CUX2: variants seen among roughly 807,000 people sequenced by gnomAD.
The protein encoded by CUX2 is homeobox protein cut-like 2.
CUX2 carries 40 observed loss-of-function variants against 144.8 expected under a neutral mutation model. The observed-to-expected ratio is 0.28, with a 90% CI of 0.21 to 0.36. CUX2 has a LOEUF of 0.36. CUX2 is among the 10% of genes least tolerant of loss of function. The pLI is 1.00. For missense variants in CUX2, 1,615 were observed against 1,994.0 expected (o/e 0.81, Z 3.62); for synonymous variants, 827 against 875.6 (o/e 0.94, Z 0.98).
intron 1 of CUX2, among the ~76,000 whole-genome samples, chr12:111,163,228 C>T (rs1449069771): frequency 6.6e-6 from 1 of 152,228 alleles, no homozygotes; most frequent in East Asian, 1.9e-4. Context: ...GCATATAGTA[C>T]TCACTTGGAG....
chr12:111,262,081 C>T (rs1481658043), intron 3 of CUX2, among the ~76,000 whole-genome samples: 1 of 152,162 alleles, frequency 6.6e-6, no homozygotes, highest in Non-Finnish European at 1.5e-5. Flanking sequence ...CCCCAATTTA[C>T]ACACTCCCAA....
At position 111,304,324 on chromosome 12, in the gene CUX2, G is replaced by A. The variant is rs1264226606; in HGVS notation, c.858+10G>A. 9.3e-6 allele frequency: 15 copies of A among 1,610,384 alleles called. No individual in the cohort carries two copies. Among genetic ancestry groups the A allele is most frequent in the Non-Finnish European group, 1.3e-5 (15 of 1,177,472 alleles). On this transcript the variant is annotated intron_variant, in intron 10 of 21. Coordinates refer to ENST00000261726, the MANE Select transcript of CUX2 (RefSeq NM_015267.4). This position sits in a 1 kb window ranked among gnomAD's most constrained non-coding sequence, Gnocchi z 4.7. ...CCAGGGGCCCAGTGGGGTAAGGATG[G>A]GGTTGGGGAAGTGAGCAGGGAGGGC...
At chr12:111,301,831 C>T (rs1262122969) in intron 9 of CUX2, among the ~76,000 whole-genome samples, 8 of 152,228 alleles carry the variant, frequency 5.3e-5, no homozygotes, top group Admixed American at 2.6e-4. Context: ...TGTTCAGGGG[C>T]TGTCTCCATG....
At chr12:111,196,850 G>A (rs1367828568) in intron 1 of CUX2, among the ~76,000 whole-genome samples, 1 of 152,182 alleles carries the variant, frequency 6.6e-6, no homozygotes, top group Admixed American at 6.5e-5. Flanking sequence ...TAGAAGTTCA[G>A]GATCACCACT....
At chr12:111,164,250 A>G (rs1258420381) in intron 1 of CUX2, among the ~76,000 whole-genome samples, 1 of 152,042 alleles carries the variant, frequency 6.6e-6, no homozygotes, top group African/African-American at 2.4e-5. Flanking sequence ...CAGGCCTGGT[A>G]TTGAGGGGAC....
chr12:111,113,364 A>G (rs976524006), intron 1 of CUX2, among the ~76,000 whole-genome samples: 3 of 152,158 alleles, frequency 2.0e-5, no homozygotes, highest in African/African-American at 2.4e-5. Flanking sequence ...TTTGACCACA[A>G]TCAGAATATG....
intron 21 of CUX2, among the ~76,000 whole-genome samples, chr12:111,342,956 CAAAA>C (rs11314694): frequency 8.8e-5 from 6 of 68,440 alleles, no homozygotes; most frequent in African/African-American, 2.3e-4. Flanking sequence ...GAGACTATCT[CAAAA>C]AAAAAAAAAA....
intron 1 of CUX2, among the ~76,000 whole-genome samples, chr12:111,094,909 G>C (rs1872732090): frequency 6.6e-6 from 1 of 152,216 alleles, no homozygotes; most frequent in Non-Finnish European, 1.5e-5. Context: ...TATTTAACCA[G>C]GGAGGCTCTC....
rs115580800 is a variant in CUX2 at position 111,305,638 on chromosome 12, C to T, written c.859-1283C>T. 8.1e-3 allele frequency among the ~76,000 whole-genome samples: 1,237 copies of T among 151,928 alleles called. 17 individuals are homozygous for T. The highest frequency in any genetic ancestry group is 0.028 in the African/African-American group (1,143 of 41,410). ...TTGAGCCCAGGAGTTTGAGTCCAGC[C>T]TGGGCAATACAGCAAGATCCTGTCT... On this transcript the variant is annotated intron_variant, in intron 10 of 21. Coordinates refer to ENST00000261726, the MANE Select transcript of CUX2 (RefSeq NM_015267.4).
intron 1 of CUX2, among the ~76,000 whole-genome samples, chr12:111,139,038 C>G (rs1045464568): frequency 2.0e-5 from 3 of 151,376 alleles, no homozygotes; most frequent in Admixed American, 1.3e-4. Context: ...CCCCAGAGAA[C>G]CCGACCCAAG....
At chr12:111,237,860 A>G (rs1882835723) in intron 3 of CUX2, among the ~76,000 whole-genome samples, 1 of 152,120 alleles carries the variant, frequency 6.6e-6, no homozygotes, top group South Asian at 2.1e-4. Flanking sequence ...CTCCCCCTGA[A>G]TGCAGGGGTT....
At position 111,215,628 on chromosome 12, in the gene CUX2, A is replaced by T. The variant is rs367878114; in HGVS notation, c.174+1318A>T. Among the ~76,000 whole-genome samples, 3 of 152,198 alleles carry T rather than the reference A, an allele frequency of 2.0e-5. No homozygotes were observed. In the East Asian group the frequency reaches 5.8e-4, roughly 29 times the overall value. On this transcript the variant is annotated intron_variant, in intron 2 of 21. Coordinates refer to ENST00000261726, the MANE Select transcript of CUX2 (RefSeq NM_015267.4). ...CCAAGAAGGCATCAGTGATGCCGAGAACCCTTCCTTCGCCTTTTAGAACAG... is the reference window on the plus strand; with the variant it reads ...CCAAGAAGGCATCAGTGATGCCGAGTACCCTTCCTTCGCCTTTTAGAACAG...
intron 3 of CUX2, among the ~76,000 whole-genome samples, chr12:111,238,974 G>A (rs1014433990): frequency 6.6e-6 from 1 of 152,224 alleles, no homozygotes; most frequent in African/African-American, 2.4e-5. Flanking sequence ...GAACCTGGGA[G>A]GCAGAGGTTG....
chr12:111,201,211 C>T (rs916901199), intron 1 of CUX2, among the ~76,000 whole-genome samples: 2 of 152,132 alleles, frequency 1.3e-5, no homozygotes, highest in Non-Finnish European at 2.9e-5. Flanking sequence ...TGCCTGATGC[C>T]TCCACCCACC....
intron 1 of CUX2, among the ~76,000 whole-genome samples, chr12:111,112,799 A>G (rs552431373): frequency 2.0e-5 from 3 of 152,228 alleles, no homozygotes; most frequent in Admixed American, 6.5e-5. Flanking sequence ...CCTGTGTTTT[A>G]TATTATAACC....
intron 3 of CUX2, among the ~76,000 whole-genome samples, chr12:111,249,444 T>A (rs1479851035): frequency 1.4e-4 from 17 of 123,816 alleles, no homozygotes; most frequent in Admixed American, 1.2e-3. Context: ...ACCCTTTTTT[T>A]GTTTTTTTTT....
chr12:111,113,152 G>C (rs906350839), intron 1 of CUX2, among the ~76,000 whole-genome samples: 1 of 152,104 alleles, frequency 6.6e-6, no homozygotes, highest in Non-Finnish European at 1.5e-5. Flanking sequence ...AGTGATGGAG[G>C]GGAGCCGGGA....
At chr12:111,044,545 C>T (rs1869908399) in intron 1 of CUX2, among the ~76,000 whole-genome samples, 4 of 152,154 alleles carry the variant, frequency 2.6e-5, no homozygotes, top group African/African-American at 9.7e-5. Context: ...TGCTTGAATA[C>T]CACCTCCTCA....
chr12:111,328,358 G>A (rs538723760), intron 18 of CUX2, among the ~76,000 whole-genome samples: 9 of 152,256 alleles, frequency 5.9e-5, no homozygotes, highest in South Asian at 2.1e-4. Context: ...CAGATGCCAC[G>A]GGAGGGTTAT....
Sources: allele counts gnomAD v4.1 joint callset (sites outside exome capture counted in the v4.1 genomes callset), GRCh38; gene constraint gnomAD v4.1.1; non-coding constraint Gnocchi (gnomAD v3.1); transcripts MANE v1.5; gene names NCBI Gene and HGNC (gene_info 2026-07-23, HGNC 2026-07-21).